The following ENOX1 variants were observed in gnomAD, a reference collection of about 807,000 sequenced individuals.
ENOX1 encodes the protein ecto-NOX disulfide-thiol exchanger 1.
Under a neutral mutation model 82.5 loss-of-function variants are expected in ENOX1, and 42 were observed. The observed-to-expected ratio is 0.51, with a 90% CI of 0.40 to 0.66. The LOEUF is 0.66. ENOX1 is among the 30% of genes least tolerant of loss of function. The pLI is 0.00. For missense variants in ENOX1, 608 were observed against 811.6 expected, an observed-to-expected ratio of 0.75 and a Z score of 3.05; for synonymous variants, 271 against 282.2, an observed-to-expected ratio of 0.96 and a Z score of 0.40.
At chr13:43,583,047 T>C (rs987261020) in intron 2 of ENOX1, among the ~76,000 whole-genome samples, 1 of 152,050 alleles carries the variant, frequency 6.6e-6, no homozygotes, top group Admixed American at 6.6e-5. Flanking sequence ...GATGGTTTCA[T>C]AGCACAACTT....
chr13:43,344,851 T>C lies in ENOX1; in HGVS notation c.824-101A>G, dbSNP rs1485398014. ...ACAGAGCATAGTCCAACCTAGTGGA[T>C]ATATTTTCAGAACTCAGCAAGTTAG... On this transcript the variant is annotated intron_variant, in intron 8 of 16. Transcript: ENST00000690772. The C allele has an allele frequency of 3.4e-6, 4 of 1,166,348 alleles. No individual in the cohort carries two copies. In the African/African-American group the frequency reaches 4.6e-5, roughly 13 times the overall value. The allele number at this position is 1,166,348 out of a possible 1,614,324, so 72.2% of individuals were successfully genotyped here.
In ENOX1 at chr13:43,306,898, C is replaced by T. The variant is rs115534149; in HGVS notation, c.1262-8368G>A. Among the ~76,000 whole-genome samples, 1,343 of 152,302 alleles carry T rather than the reference C, an allele frequency of 8.8e-3. 14 individuals carry two copies. Among genetic ancestry groups the T allele is most frequent in the African/African-American group, 0.03 (1,257 of 41,576 alleles). On this transcript the variant is annotated intron_variant, in intron 11 of 16. Transcript: ENST00000690772. ...TTCTACCATATAAAACACATCCACA[C>T]TATGAAATGTGAAATGATGGCCAGC...
chr13:43,724,556 G>T (rs1018616213), intron 1 of ENOX1, among the ~76,000 whole-genome samples: 1 of 152,170 alleles, frequency 6.6e-6, no homozygotes, highest in Non-Finnish European at 1.5e-5. Flanking sequence ...ACTCATTTGC[G>T]TATCTTCCCT....
intron 1 of ENOX1, among the ~76,000 whole-genome samples, chr13:43,722,994 C>T (rs1332367483): frequency 6.6e-6 from 1 of 152,106 alleles, no homozygotes; most frequent in East Asian, 1.9e-4. Context: ...ATCAAGGAGA[C>T]AAAAGGTTTT....
intron 2 of ENOX1, chr13:43,545,757 C>T (rs2078946896): frequency 2.0e-5 from 3 of 152,212 alleles, no homozygotes; most frequent in Non-Finnish European, 4.4e-5. Context: ...AAGTAGATTG[C>T]TATTTATGTC....
At position 43,588,254 on chromosome 13, in the gene ENOX1, T is replaced by C. The variant is rs546312676; in HGVS notation, c.-219+79225A>G. ...TACTTTCATGACAGATTGAACATTA[T>C]CTTATTAAAGCAAAATGTATAGATA... On this transcript the variant is annotated intron_variant, in intron 2 of 16. Coordinates refer to ENST00000690772, the MANE Select transcript of ENOX1 (RefSeq NM_001347969.2). Among the ~76,000 whole-genome samples the C allele has an allele frequency of 2.0e-5, 3 of 152,310 alleles. No homozygotes were observed. In the South Asian group the frequency reaches 6.2e-4, roughly 32 times the overall value.
intron 14 of ENOX1, among the ~76,000 whole-genome samples, chr13:43,261,062 C>A (rs2044027868): frequency 6.6e-6 from 1 of 152,238 alleles, no homozygotes; most frequent in East Asian, 1.9e-4. Context: ...GAAAACTTCT[C>A]CTGGGCATGC....
chr13:43,705,423 G>T (rs1171114249), intron 1 of ENOX1, among the ~76,000 whole-genome samples: 1 of 147,624 alleles, frequency 6.8e-6, no homozygotes, highest in Non-Finnish European at 1.5e-5. Flanking sequence ...ACAAATACAT[G>T]CTCTATTAAA....
At chr13:43,336,201 G>A (rs1369394521) in intron 9 of ENOX1, among the ~76,000 whole-genome samples, 1 of 152,206 alleles carries the variant, frequency 6.6e-6, no homozygotes, top group Non-Finnish European at 1.5e-5. Flanking sequence ...TGGCTGAGAT[G>A]TTCCTAAGAA....
intron 2 of ENOX1, among the ~76,000 whole-genome samples, chr13:43,592,403 C>G (rs1256565396): frequency 6.6e-6 from 1 of 152,138 alleles, no homozygotes; most frequent in Admixed American, 6.5e-5. Flanking sequence ...TGGGAACATT[C>G]ATGCAGCTTT....
At chr13:43,240,290 C>T (rs945700308) in intron 14 of ENOX1, among the ~76,000 whole-genome samples, 1 of 152,144 alleles carries the variant, frequency 6.6e-6, no homozygotes, top group African/African-American at 2.4e-5. Flanking sequence ...ATCAGAAGTG[C>T]AAGCTTACCC....
chr13:43,715,248 T>G (rs1313692534), intron 1 of ENOX1, among the ~76,000 whole-genome samples: 2 of 152,242 alleles, frequency 1.3e-5, no homozygotes, highest in Admixed American at 1.3e-4. Context: ...CCCCACTGTC[T>G]TCTGGCTTGT....
intron 3 of ENOX1, among the ~76,000 whole-genome samples, chr13:43,463,010 A>G (rs748964560): frequency 1.3e-5 from 2 of 152,250 alleles, no homozygotes; most frequent in African/African-American, 2.4e-5. Context: ...GTTGCCTTAG[A>G]ATACTCAAAG....
At chr13:43,777,144 C>T (rs1265120318) in intron 1 of ENOX1, among the ~76,000 whole-genome samples, 1 of 152,192 alleles carries the variant, frequency 6.6e-6, no homozygotes, top group Admixed American at 6.5e-5. Context: ...GAAGTTCTAC[C>T]TTCTGGAATA....
intron 12 of ENOX1, among the ~76,000 whole-genome samples, chr13:43,282,452 CTT>C (rs558705645): frequency 7.7e-5 from 11 of 142,362 alleles, no homozygotes; most frequent in Admixed American, 1.4e-4. Context: ...ATTCTTTTTT[CTT>C]TTTTTTTTTT....
At chr13:43,731,527 GT>G (rs5803210) in intron 1 of ENOX1, among the ~76,000 whole-genome samples, 1 of 147,900 alleles carries the variant, frequency 6.8e-6, no homozygotes, top group South Asian at 2.1e-4. Context: ...TCCTGTTTTT[GT>G]TTTTTTTTTT....
At chr13:43,736,931 C>T (rs1258724092) in intron 1 of ENOX1, among the ~76,000 whole-genome samples, 1 of 152,130 alleles carries the variant, frequency 6.6e-6, no homozygotes, top group African/African-American at 2.4e-5. Flanking sequence ...CTTCAGCTAG[C>T]CTTAAATAGT....
At chr13:43,349,554 A>G (rs1326567748) in intron 8 of ENOX1, among the ~76,000 whole-genome samples, 4 of 152,190 alleles carry the variant, frequency 2.6e-5, no homozygotes, top group Non-Finnish European at 5.9e-5. Flanking sequence ...TAGGCATTAC[A>G]AAACTGCATA....
chr13:43,656,262 A>T (rs935063186), intron 2 of ENOX1, among the ~76,000 whole-genome samples: 1 of 152,246 alleles, frequency 6.6e-6, no homozygotes, highest in African/African-American at 2.4e-5. Context: ...GAACAGTTAG[A>T]TGCCATTCTA....
Sources: gnomAD v4.1 joint callset for allele counts (sites outside exome capture counted in the v4.1 genomes callset) on GRCh38, gnomAD v4.1.1 for gene constraint, MANE v1.5 for transcripts, NCBI Gene and HGNC (gene_info 2026-07-23, HGNC 2026-07-21) for gene names.